GNMT: variants seen among roughly 807,000 people sequenced by gnomAD.
GNMT encodes epididymis secretory sperm binding protein Li 182mP.
In GNMT, 26 loss-of-function variants were observed where a neutral mutation model predicts 30.2. That is an observed-to-expected ratio of 0.86 (90% CI 0.63 to 1.19). GNMT has a LOEUF of 1.19. Ranked by LOEUF, GNMT falls within the 50% of genes most tolerant of loss-of-function variation. GNMT has a pLI of 0.00. For missense variants in GNMT, 365 were observed against 398.1 expected, an observed-to-expected ratio of 0.92 and a Z score of 0.71; for synonymous variants, 163 against 163.8, an observed-to-expected ratio of 1.00 and a Z score of 0.04.
chr6:42,962,337 G>T lies in GNMT; in HGVS notation c.332G>T (p.Trp111Leu), dbSNP rs1168454232. The T allele has an allele frequency of 6.2e-7, 1 of 1,614,022 alleles. No homozygotes were observed. Among genetic ancestry groups the T allele is most frequent in the Admixed American group, 1.7e-5 (1 of 60,020 alleles). ...NRRHEPAFDK[W>L]VIEEANWMTL... ...CGGCACGAGCCCGCCTTCGACAAGT[G>T]GGGTATGCAGGTCTAGCCAGGCTCC... The change falls in exon 2 of 6, where the codon TGG becomes TTG. Residue 111 changes from tryptophan (W) to leucine (L), a missense_variant and splice_region_variant. Trp to Leu is a moderately conservative substitution (Grantham distance 61). Coordinates refer to ENST00000372808, the MANE Select transcript of GNMT (RefSeq NM_018960.6).
chr6:42,961,085 C>A (rs1769359655), intron 1 of GNMT, 112 bp downstream of exon 1: 2 of 924,018 alleles, frequency 2.2e-6, no homozygotes, highest in Non-Finnish European at 3.1e-6. Flanking sequence ...CTTTGCCAAT[C>A]CTGGAACGGG....
At chr6:42,962,510 C>T (rs1332840835) in intron 2 of GNMT, among the ~76,000 whole-genome samples, 171 bp downstream of exon 2, 4 of 152,092 alleles carry the variant, frequency 2.6e-5, no homozygotes, top group Middle Eastern at 3.2e-3. Context: ...AATGAGACAC[C>T]GGGTGTGAAG....
In GNMT at chr6:42,962,313, G is replaced by A. The variant is rs781167464; in HGVS notation, c.308G>A (p.Arg103Gln). The A allele has an allele frequency of 9.3e-6, 15 of 1,614,130 alleles. No individual in the cohort carries two copies. The East Asian group carries it at 2.2e-4, about 24-fold the overall frequency. ...KYALKERWNRRHEPAFDKWVI... is the reference protein window; with the variant it reads ...KYALKERWNRQHEPAFDKWVI... ...GCACTTAAGGAGCGCTGGAACCGGC[G>A]GCACGAGCCCGCCTTCGACAAGTGG... The change falls in exon 2 of 6, where the codon CGG becomes CAG. Residue 103 changes from arginine (R) to glutamine (Q), a missense_variant. Transcript: ENST00000372808.
In GNMT at chr6:42,960,858, TG is replaced by T. The variant is rs1294437667; in HGVS notation, c.93del (p.Trp31CysfsTer34). 7.1e-6 allele frequency: 11 copies of T among 1,555,690 alleles called. No homozygotes were observed. Among genetic ancestry groups the T allele is most frequent in the Non-Finnish European group, 2.6e-6 (3 of 1,153,318 alleles). On this transcript the variant is annotated frameshift_variant, in exon 1 of 6. Transcript: ENST00000372808. LOFTEE classifies it high-confidence loss of function. ...QYADGEAARV[W>X]QLYIGDTRSR... ...CGCGGACGGGGAGGCGGCGCGCGTG[TG>T]GCAGCTGTATATCGGAGACACCCGC...
intron 1 of GNMT, among the ~76,000 whole-genome samples, chr6:42,961,593 G>A (rs1769393728): frequency 7.1e-6 from 1 of 140,940 alleles, no homozygotes; most frequent in East Asian, 2.1e-4. Flanking sequence ...GTGCTCTGTC[G>A]CCCAGGCTGG....
intron 1 of GNMT, among the ~76,000 whole-genome samples, chr6:42,961,845 G>A (rs138355691): frequency 6.6e-6 from 1 of 152,126 alleles, no homozygotes; most frequent in Non-Finnish European, 1.5e-5. Flanking sequence ...GAGCCACCGC[G>A]CCCGGCTTTG....
Position 42,962,302 on chromosome 6 carries a change from C to G in GNMT, c.297C>G (p.Arg99=). 1 of 1,614,152 alleles carries G rather than the reference C, an allele frequency of 6.2e-7. No individual in the cohort carries two copies. Among genetic ancestry groups the G allele is most frequent in the Non-Finnish European group, 8.5e-7 (1 of 1,180,024 alleles). The change falls in exon 2 of 6, where the codon CGC becomes CGG. Residue 99 remains arginine, a synonymous_variant. Coordinates refer to ENST00000372808, the MANE Select transcript of GNMT (RefSeq NM_018960.6). ...DKMLKYALKE[R]WNRRHEPAFD... The stretch of plus-strand genomic sequence containing the variant: ...TGCTGAAGTATGCACTTAAGGAGCG[C>G]TGGAACCGGCGGCACGAGCCCGCCT...
Position 42,960,981 on chromosome 6 carries a change from C to CAGGCCG in GNMT, c.206+9_206+14dup. On this transcript the variant is annotated intron_variant, in intron 1 of 5. Transcript: ENST00000372808. ...CGTAGCCTGTGGCACTGGGTGAGCC[C>CAGGCCG]AGGCCGGGGCCGGGGGCGTTGCATG... is the stretch of plus-strand genomic sequence containing the variant. The CAGGCCG allele has an allele frequency of 1.3e-6, 2 of 1,543,098 alleles. No homozygotes were observed. The highest frequency in any genetic ancestry group is 1.7e-6 in the Non-Finnish European group (2 of 1,149,304).
intron 2 of GNMT, 99 bp from the exon 3 acceptor site, chr6:42,962,663 G>A (rs1769470912): frequency 3.4e-6 from 3 of 883,286 alleles, no homozygotes; most frequent in Admixed American, 3.4e-5. Context: ...GAGCTTGTGT[G>A]TCTTAAGAAG....
Position 42,963,423 on chromosome 6 carries a change from T to C in GNMT, c.690T>C (p.Ala230=), listed in dbSNP as rs1293101866. Residue 230 remains alanine, a synonymous_variant, in exon 5 of 6, where the codon GCT becomes GCC. Transcript: ENST00000372808. ...TLDYTVQVPG[A]GQDGSPGLSK... ...ACTATACGGTGCAGGTGCCGGGGGC[T>C]GGCCAGGATGGCTCTCCTGGCTTGA... is the stretch of plus-strand genomic sequence containing the variant. The C allele has an allele frequency of 6.2e-7, 1 of 1,613,930 alleles. No individual in the cohort carries two copies. The highest frequency in any genetic ancestry group is 8.5e-7 in the Non-Finnish European group (1 of 1,179,928).
intron 1 of GNMT, 102 bp downstream of exon 1, chr6:42,961,075 C>A: frequency 9.7e-7 from 1 of 1,025,940 alleles, no homozygotes; most frequent in Non-Finnish European, 1.4e-6. Flanking sequence ...TCAGGGCGGC[C>A]TTTGCCAATC....
chr6:42,962,026 A>T (rs180929436), intron 1 of GNMT, among the ~76,000 whole-genome samples, 186 bp from the exon 2 acceptor site: 19 of 152,152 alleles, frequency 1.2e-4, no homozygotes, highest in African/African-American at 2.9e-4. Flanking sequence ...AGGTGCTTTT[A>T]AAAAAAAGTT....
intron 1 of GNMT, 50 bp downstream of exon 1, chr6:42,961,023 C>A (rs750325036): frequency 5.0e-6 from 7 of 1,409,490 alleles, no homozygotes; most frequent in Middle Eastern, 2.4e-4. Context: ...GGGTCTGTCT[C>A]AGCCTGTACT....
intron 2 of GNMT, among the ~76,000 whole-genome samples, 179 bp downstream of exon 2, chr6:42,962,518 A>T (rs1378342023): frequency 6.6e-6 from 1 of 152,126 alleles, no homozygotes; most frequent in African/African-American, 2.4e-5. Flanking sequence ...ACCGGGTGTG[A>T]AGAGCTGGTT....
At position 42,963,155 on chromosome 6, in the gene GNMT, A is replaced by G; in HGVS notation, c.535A>G (p.Asn179Asp). ...GGGCCTACTGGTCATTGATCATCGCAACTACGACCACATCCTCAGTACAGG... is the reference window on the plus strand; with the variant it reads ...GGGCCTACTGGTCATTGATCATCGCGACTACGACCACATCCTCAGTACAGG... ...AGGLLVIDHR[N>D]YDHILSTGCA... The change falls in exon 4 of 6, where the codon AAC becomes GAC. Residue 179 changes from asparagine to aspartate, a missense_variant. This residue lies in a region of GNMT where 232 missense variants were observed against 263.0 expected (regional missense o/e 0.88). Coordinates refer to ENST00000372808, the MANE Select transcript of GNMT (RefSeq NM_018960.6). The G allele has an allele frequency of 6.2e-7, 1 of 1,610,854 alleles. No individual in the cohort carries two copies. The highest frequency in any genetic ancestry group is 8.5e-7 in the Non-Finnish European group (1 of 1,179,496).
chr6:42,961,698 C>T (rs554965734), intron 1 of GNMT, among the ~76,000 whole-genome samples: 292 of 152,080 alleles, frequency 1.9e-3, no homozygotes, highest in Non-Finnish European at 3.1e-3. Context: ...GGACTACAGG[C>T]GCCTGCCACC....
In GNMT at chr6:42,960,818, G is replaced by A; in HGVS notation, c.51G>A (p.Gly17=). Residue 17 remains glycine, a synonymous_variant, in exon 1 of 6, where the codon GGG becomes GGA. Coordinates refer to ENST00000372808, the MANE Select transcript of GNMT (RefSeq NM_018960.6). Reference sequence around the variant, plus strand: ...GCTCCCTGGGGGTGGCGGCCGAAGGGCTCCCGGACCAGTACGCGGACGGGG... The same window carrying A: ...GCTCCCTGGGGGTGGCGGCCGAAGGACTCCCGGACCAGTACGCGGACGGGG... ...RTRSLGVAAE[G]LPDQYADGEA... 6.4e-7 allele frequency: 1 copy of A among 1,558,298 alleles called. No individual in the cohort carries two copies. Among genetic ancestry groups the A allele is most frequent in the Non-Finnish European group, 8.7e-7 (1 of 1,154,076 alleles).
chr6:42,960,923 GC>G lies in GNMT; in HGVS notation c.157del (p.Leu53CysfsTer12), dbSNP rs756391916. ...AEYKAWLLGL[L>X]RQHGCQRVLD... The stretch of plus-strand genomic sequence containing the variant: ...AGTACAAGGCATGGCTGCTTGGGCT[GC>G]TGCGCCAGCACGGCTGCCAGCGGGT... On this transcript the variant is annotated frameshift_variant, in exon 1 of 6. Coordinates refer to ENST00000372808, the MANE Select transcript of GNMT (RefSeq NM_018960.6). LOFTEE classifies it high-confidence loss of function. 1.3e-6 allele frequency: 2 copies of G among 1,564,518 alleles called. No homozygotes were observed. The highest frequency in any genetic ancestry group is 4.7e-5 in the East Asian group (2 of 42,638).
chr6:42,963,819 G>A lies in GNMT; in HGVS notation c.*113G>A. 4 of 945,526 alleles carry A rather than the reference G, an allele frequency of 4.2e-6. No individual in the cohort carries two copies. Among genetic ancestry groups the A allele is most frequent in the Non-Finnish European group, 5.1e-6 (3 of 592,078 alleles). The allele number at this position is 945,526 out of a possible 1,614,324, so 58.6% of individuals were successfully genotyped here. A position where few individuals can be genotyped will look rare whatever the true frequency, so the allele number is the denominator to read the frequency against. On this transcript the variant is annotated 3_prime_UTR_variant, in exon 6 of 6. Transcript: ENST00000372808. ...GCCTCTAGAGCAGACTACAGCTGGG[G>A]TGCAGGGATGTGGGTTCCACAGACG...
Sources: allele counts gnomAD v4.1 joint callset (sites outside exome capture counted in the v4.1 genomes callset), GRCh38; gene constraint gnomAD v4.1.1; regional missense constraint gnomAD v4.1.1; transcripts MANE v1.5; gene names NCBI Gene and HGNC (gene_info 2026-07-23, HGNC 2026-07-21).